Variants in CHST3 observed in about 807,000 individuals in gnomAD.
CHST3 encodes C6ST-1.
CHST3 carries 20 observed loss-of-function variants against 35.4 expected under a neutral mutation model. The observed-to-expected ratio is 0.57, with a 90% CI of 0.40 to 0.82. CHST3 has a LOEUF of 0.82. Ranked by LOEUF, CHST3 falls within the 40% of genes least tolerant of loss-of-function variation. The probability of loss-of-function intolerance (pLI) is 0.00; values close to 1 mark genes in which losing one functional copy is unlikely to be tolerated. For synonymous variants in CHST3, 334 were observed against 295.9 expected, an observed-to-expected ratio of 1.13 and a Z score of -1.32; for missense variants, 693 against 670.1, an observed-to-expected ratio of 1.03 and a Z score of -0.38.
rs1441038735 is a variant in CHST3 at position 72,012,300 on chromosome 10, T to TCC, written c.*3829_*3830insCC. 6.6e-6 allele frequency: 1 copy of TCC among 152,178 alleles called. No homozygotes were observed. The highest frequency in any genetic ancestry group is 1.5e-5 in the Non-Finnish European group (1 of 68,050). The allele number at this position is 152,178 out of a possible 1,614,324, so 9.4% of individuals were successfully genotyped here. Reference sequence around the variant, plus strand: ...TTCTTGGCCTGGGTGGTAGAGGAGATATCCTGACCCTAAAGTCTTCCAGCC... The same window carrying TCC: ...TTCTTGGCCTGGGTGGTAGAGGAGATCCATCCTGACCCTAAAGTCTTCCAGCC... On this transcript the variant is annotated 3_prime_UTR_variant, in exon 3 of 3. Transcript: ENST00000373115.
At chr10:72,003,065 C>T (rs1305385707) in intron 1 of CHST3, among the ~76,000 whole-genome samples, 1 of 152,164 alleles carries the variant, frequency 6.6e-6, no homozygotes, top group Non-Finnish European at 1.5e-5. Flanking sequence ...AGGTCAGTTA[C>T]CTAACCTGTC....
At chr10:71,998,049 G>T (rs1024949795) in intron 1 of CHST3, among the ~76,000 whole-genome samples, 1 of 152,126 alleles carries the variant, frequency 6.6e-6, no homozygotes, top group Non-Finnish European at 1.5e-5. Context: ...TGAGGTGGGA[G>T]GATTGCCTGA....
intron 1 of CHST3, among the ~76,000 whole-genome samples, chr10:71,999,543 T>TACCCC (rs1839972122): frequency 1.4e-5 from 2 of 145,726 alleles, no homozygotes; most frequent in African/African-American, 5.0e-5. Context: ...AACCTCTCCC[T>TACCCC]ACCCCACCCC....
intron 1 of CHST3, among the ~76,000 whole-genome samples, chr10:71,991,258 G>A (rs1043905484): frequency 3.3e-5 from 5 of 152,220 alleles, no homozygotes; most frequent in African/African-American, 1.2e-4. Context: ...GTCTCTGCCA[G>A]TCGGTTCCCC....
intron 1 of CHST3, among the ~76,000 whole-genome samples, chr10:71,984,162 A>G (rs773494764): frequency 6.6e-6 from 1 of 152,200 alleles, no homozygotes; most frequent in African/African-American, 2.4e-5. Flanking sequence ...AGCTGGGATT[A>G]CAGGCATGCG....
chr10:72,000,330 G>T lies in CHST3; in HGVS notation c.-107-5406G>T, dbSNP rs1042476161. 2.4e-4 allele frequency among the ~76,000 whole-genome samples: 36 copies of T among 152,202 alleles called. 1 individual carries two copies. The highest frequency in any genetic ancestry group is 8.7e-4 in the African/African-American group (36 of 41,456). On this transcript the variant is annotated intron_variant, in intron 1 of 2. Coordinates refer to ENST00000373115, the MANE Select transcript of CHST3 (RefSeq NM_004273.5). The stretch of plus-strand genomic sequence containing the variant: ...TGCAAGGGTGGAGCAGACAGATGAA[G>T]CTCTCCTCTCCCGGAGTCAACGTTC...
chr10:71,982,855 C>CAG (rs1839813930), intron 1 of CHST3, among the ~76,000 whole-genome samples: 1 of 152,240 alleles, frequency 6.6e-6, no homozygotes, highest in Non-Finnish European at 1.5e-5. Context: ...CCCTGCTTTA[C>CAG]AGATGAAGTA....
intron 1 of CHST3, among the ~76,000 whole-genome samples, chr10:71,970,809 T>C (rs1015236646): frequency 5.9e-5 from 9 of 152,228 alleles, no homozygotes; most frequent in Admixed American, 4.6e-4. Flanking sequence ...TTAGGGTGGA[T>C]AGACCAAAGC....
At chr10:72,003,609 G>A (rs1361396880) in intron 1 of CHST3, among the ~76,000 whole-genome samples, 2 of 150,836 alleles carry the variant, frequency 1.3e-5, no homozygotes, top group Non-Finnish European at 2.9e-5. Context: ...GCTGAGGCAC[G>A]AGAATTACTT....
intron 1 of CHST3, among the ~76,000 whole-genome samples, chr10:71,981,763 A>G (rs1436638552): frequency 6.6e-6 from 1 of 152,254 alleles, no homozygotes; most frequent in Non-Finnish European, 1.5e-5. Flanking sequence ...GCTGTGGGGA[A>G]TAAGAATAAC....
At chr10:71,966,179 C>G (rs1267216637) in intron 1 of CHST3, among the ~76,000 whole-genome samples, 1 of 152,052 alleles carries the variant, frequency 6.6e-6, no homozygotes, top group East Asian at 1.9e-4. Context: ...GTAGGAGGAA[C>G]ATGGGAACAT....
intron 1 of CHST3, among the ~76,000 whole-genome samples, chr10:71,978,836 C>A (rs1839772246): frequency 1.3e-5 from 2 of 152,214 alleles, no homozygotes; most frequent in Admixed American, 1.3e-4. Flanking sequence ...GGGGCCCCTG[C>A]TCAGCACAGC....
At chr10:71,991,508 C>T (rs1839896199) in intron 1 of CHST3, among the ~76,000 whole-genome samples, 1 of 152,176 alleles carries the variant, frequency 6.6e-6, no homozygotes, top group South Asian at 2.1e-4. Flanking sequence ...AGCCCTAAGA[C>T]ATTCTATATT....
intron 1 of CHST3, among the ~76,000 whole-genome samples, chr10:71,984,436 G>A (rs896944851): frequency 6.6e-6 from 1 of 152,178 alleles, no homozygotes. Context: ...CTGTGTTCAA[G>A]ACACCAAGAA....
chr10:71,971,456 G>A (rs996603769), intron 1 of CHST3, among the ~76,000 whole-genome samples: 3 of 152,292 alleles, frequency 2.0e-5, no homozygotes, highest in Middle Eastern at 3.4e-3. Flanking sequence ...TGCTGTTCCT[G>A]TTCACACATG....
At chr10:71,968,851 C>T (rs566386778) in intron 1 of CHST3, among the ~76,000 whole-genome samples, 2 of 152,274 alleles carry the variant, frequency 1.3e-5, no homozygotes, top group East Asian at 1.9e-4. Context: ...TCCAGTGAGA[C>T]ATGACTCACT....
At chr10:71,973,611 G>C (rs1052428954) in intron 1 of CHST3, among the ~76,000 whole-genome samples, 73 of 152,228 alleles carry the variant, frequency 4.8e-4, no homozygotes, top group African/African-American at 1.8e-3. Flanking sequence ...GGCATCACCT[G>C]TCCAGGTCCT....
chr10:71,996,742 A>G (rs1262018774), intron 1 of CHST3, among the ~76,000 whole-genome samples: 1 of 152,126 alleles, frequency 6.6e-6, no homozygotes, highest in African/African-American at 2.4e-5. Context: ...CATTTGCTTC[A>G]CAAACATTCA....
Position 72,008,139 on chromosome 10 carries a change from C to G in CHST3, c.1108C>G (p.Arg370Gly). 6 of 1,548,282 alleles carry G rather than the reference C, an allele frequency of 3.9e-6. No individual in the cohort carries two copies. Among genetic ancestry groups the G allele is most frequent in the Non-Finnish European group, 5.2e-6 (6 of 1,146,368 alleles). ...GCTGCGGGGCCGCTACATGCTGGTG[C>G]GCTACGAGGACGTGGCACGCGGGCC... ...AWLRGRYMLV[R>G]YEDVARGPLQ... Residue 370 changes from arginine (R) to glycine (G), a missense_variant, in exon 3 of 3, where the codon CGC becomes GGC. Transcript: ENST00000373115.
Sources: gnomAD v4.1 joint callset for allele counts (sites outside exome capture counted in the v4.1 genomes callset) on GRCh38, gnomAD v4.1.1 for gene constraint, MANE v1.5 for transcripts, NCBI Gene and HGNC (gene_info 2026-07-23, HGNC 2026-07-21) for gene names.